The following RIC1 variants were observed in gnomAD, a reference collection of about 807,000 sequenced individuals.
RIC1 encodes the protein RIC1 partner of RAB6A GEF complex.
In RIC1, 88 loss-of-function variants were observed where a neutral mutation model predicts 169.0. The ratio of observed to expected loss-of-function variants is 0.52; its 90% CI spans 0.44 to 0.62. RIC1 has a LOEUF of 0.62. Ranked by LOEUF, RIC1 falls within the 20% of genes least tolerant of loss-of-function variation. The pLI is 0.00. For missense variants in RIC1, 1,877 were observed against 1,725.5 expected, an observed-to-expected ratio of 1.09 and a Z score of -1.56; for synonymous variants, 790 against 601.5, an observed-to-expected ratio of 1.31 and a Z score of -4.59.
At chr9:5,634,723 A>T (rs748295297) in intron 1 of RIC1, among the ~76,000 whole-genome samples, 4 of 151,804 alleles carry the variant, frequency 2.6e-5, no homozygotes, top group Non-Finnish European at 5.9e-5. Context: ...ATTTCATGTA[A>T]TCCTACTTGT....
At chr9:5,636,609 A>G (rs370443172) in intron 1 of RIC1, among the ~76,000 whole-genome samples, 2 of 151,440 alleles carry the variant, frequency 1.3e-5, no homozygotes, top group Non-Finnish European at 2.9e-5. Context: ...GTGAGCCACC[A>G]CTCCCAGCCA....
In RIC1 at chr9:5,664,168, G is replaced by T. The variant is rs183589962; in HGVS notation, c.252+7478G>T. On this transcript the variant is annotated intron_variant, in intron 2 of 25. Coordinates refer to ENST00000414202, the MANE Select transcript of RIC1 (RefSeq NM_020829.4). Reference sequence around the variant, plus strand: ...CTCACACCTGTAATCCCAGCACTTTGGGAGGCCAAGGCGGGCGGATAACGA... The same window carrying T: ...CTCACACCTGTAATCCCAGCACTTTTGGAGGCCAAGGCGGGCGGATAACGA... 3.8e-3 allele frequency among the ~76,000 whole-genome samples: 577 copies of T among 152,176 alleles called. 2 individuals carry two copies. The highest frequency in any genetic ancestry group is 0.013 in the African/African-American group (551 of 41,502).
At chr9:5,674,107 A>G (rs1164080891) in intron 2 of RIC1, among the ~76,000 whole-genome samples, 1 of 152,182 alleles carries the variant, frequency 6.6e-6, no homozygotes, top group Non-Finnish European at 1.5e-5. Flanking sequence ...GTAAAATATA[A>G]GAGTTTGTGC....
At chr9:5,639,520 T>G (rs1242522545) in intron 1 of RIC1, among the ~76,000 whole-genome samples, 1 of 152,246 alleles carries the variant, frequency 6.6e-6, no homozygotes, top group Non-Finnish European at 1.5e-5. Context: ...TGAGCAATCC[T>G]TAAGTGATCC....
intron 7 of RIC1, among the ~76,000 whole-genome samples, chr9:5,735,762 C>G (rs1824663414): frequency 6.6e-6 from 1 of 152,150 alleles, no homozygotes; most frequent in African/African-American, 2.4e-5. Context: ...ATTTTAACAA[C>G]CTTCCTGTTA....
chr9:5,689,633 A>C (rs535187787), intron 2 of RIC1, among the ~76,000 whole-genome samples: 9 of 152,360 alleles, frequency 5.9e-5, no homozygotes, highest in African/African-American at 1.9e-4. Context: ...TTGCCATATT[A>C]GTGCAGAGTT....
At chr9:5,647,576 G>T (rs1256249836) in intron 1 of RIC1, among the ~76,000 whole-genome samples, 1 of 152,080 alleles carries the variant, frequency 6.6e-6, no homozygotes, top group Non-Finnish European at 1.5e-5. Flanking sequence ...ACGGTTTGCT[G>T]ATTTTTCTGT....
intron 1 of RIC1, among the ~76,000 whole-genome samples, chr9:5,644,094 G>T (rs1196010581): frequency 1.3e-5 from 2 of 152,146 alleles, no homozygotes. Context: ...GAGCTTTGAG[G>T]TGCATAAAAA....
chr9:5,656,996 G>T (rs867902693), intron 2 of RIC1, among the ~76,000 whole-genome samples: 1 of 150,570 alleles, frequency 6.6e-6, no homozygotes, highest in African/African-American at 2.4e-5. Context: ...TATTCTGTGC[G>T]TGTTACTCCT....
rs764442443 is a variant in RIC1, at chr9:5,753,604, T to C, written c.1560T>C (p.Ser520=). ...VVGKFGFAHY[S]LLTKKWKLFG... is the part of the protein sequence containing the mutation. Reference sequence around the variant, plus strand: ...GCAAGTTTGGTTTTGCACATTACTCTTTACTCACCAAAAAATGGAAACTTT... The same window carrying C: ...GCAAGTTTGGTTTTGCACATTACTCCTTACTCACCAAAAAATGGAAACTTT... Residue 520 remains serine (S), a synonymous_variant, in exon 14 of 26, where the codon TCT becomes TCC. Transcript: ENST00000414202. 6.2e-7 allele frequency: 1 copy of C among 1,610,534 alleles called. No homozygotes were observed. The highest frequency in any genetic ancestry group is 1.1e-5 in the South Asian group (1 of 90,350).
intron 2 of RIC1, among the ~76,000 whole-genome samples, chr9:5,688,838 G>A (rs983171471): frequency 1.3e-4 from 19 of 151,964 alleles, no homozygotes; most frequent in African/African-American, 4.1e-4. Context: ...TAAAATGATA[G>A]GAATTCAGTA....
chr9:5,762,108 T>C (rs1342835638), intron 17 of RIC1, among the ~76,000 whole-genome samples: 1 of 152,214 alleles, frequency 6.6e-6, no homozygotes, highest in African/African-American at 2.4e-5. Context: ...TGTTCTCACT[T>C]TCCCAATAGT....
At position 5,743,007 on chromosome 9, in the gene RIC1, A is replaced by G; in HGVS notation, c.1040A>G (p.Asp347Gly). Residue 347 changes from aspartate (D) to glycine (G), a missense_variant, in exon 9 of 26, where the codon GAT becomes GGT. Transcript: ENST00000414202. Reference protein sequence around the residue: ...GAQLICTLGGDFAYRSDGTKK... With the variant: ...GAQLICTLGGGFAYRSDGTKK... ...CAGCTGATTTGTACACTTGGAGGAG[A>G]TTTTGCGTAAGTCAAAAAAGACAAT... is the stretch of plus-strand genomic sequence containing the variant. The G allele has an allele frequency of 6.2e-7, 1 of 1,603,566 alleles. No homozygotes were observed. The highest frequency in any genetic ancestry group is 1.3e-5 in the African/African-American group (1 of 74,238).
intron 3 of RIC1, among the ~76,000 whole-genome samples, chr9:5,711,897 A>G (rs1822952722): frequency 6.6e-6 from 1 of 152,176 alleles, no homozygotes; most frequent in Admixed American, 6.5e-5. Context: ...CCTACAAAGG[A>G]CATGAACTCA....
At chr9:5,752,788 T>C (rs1825802337) in intron 12 of RIC1, among the ~76,000 whole-genome samples, 1 of 152,182 alleles carries the variant, frequency 6.6e-6, no homozygotes, top group Admixed American at 6.5e-5. Flanking sequence ...AATATTTCCA[T>C]TAAAAACCAG....
intron 10 of RIC1, 94 bp downstream of exon 10, chr9:5,743,831 G>C: frequency 1.0e-6 from 1 of 974,450 alleles, no homozygotes; most frequent in Non-Finnish European, 1.6e-6. Context: ...AATTTTTTGA[G>C]ACAGGGTCTT....
At chr9:5,672,947 A>G (rs1243027164) in intron 2 of RIC1, among the ~76,000 whole-genome samples, 1 of 152,186 alleles carries the variant, frequency 6.6e-6, no homozygotes, top group Non-Finnish European at 1.5e-5. Flanking sequence ...ACAATCCTGT[A>G]CCTAGACAGG....
intron 23 of RIC1, among the ~76,000 whole-genome samples, chr9:5,771,321 T>C (rs527236769): frequency 6.4e-4 from 98 of 152,330 alleles, no homozygotes; most frequent in Non-Finnish European, 9.1e-4. Context: ...AGTGTTTGTC[T>C]TTTTCTGACC....
intron 7 of RIC1, among the ~76,000 whole-genome samples, chr9:5,733,636 G>A (rs201799235): frequency 6.6e-6 from 1 of 151,926 alleles, no homozygotes; most frequent in African/African-American, 2.4e-5. Flanking sequence ...TTGTAAAGTA[G>A]GGAATCCTCA....
Sources: allele counts gnomAD v4.1 joint callset (sites outside exome capture counted in the v4.1 genomes callset), GRCh38; gene constraint gnomAD v4.1.1; transcripts MANE v1.5; gene names NCBI Gene and HGNC (gene_info 2026-07-23, HGNC 2026-07-21).